The following OGFOD2 variants were observed in gnomAD, a reference collection of about 807,000 sequenced individuals.
OGFOD2 encodes the protein 2-oxoglutarate and iron dependent oxygenase domain containing 2, also known as 2-oxoglutarate and iron-dependent oxygenase domain-containing protein 2.
OGFOD2 carries 34 observed loss-of-function variants against 31.1 expected under a neutral mutation model. The observed-to-expected ratio is 1.09, with a 90% CI of 0.83 to 1.45. OGFOD2 has a LOEUF of 1.45. Ranked by LOEUF, OGFOD2 falls within the 40% of genes most tolerant of loss-of-function variation. OGFOD2 has a pLI of 0.00. For missense variants in OGFOD2, 537 were observed against 433.9 expected, an observed-to-expected ratio of 1.24 and a Z score of -2.11; for synonymous variants, 240 against 192.3, an observed-to-expected ratio of 1.25 and a Z score of -2.05.
chr12:122,975,325 G>A, exon 1 of OGFOD2: 1 of 702,296 alleles, frequency 1.4e-6, no homozygotes, highest in Non-Finnish European at 2.6e-6. Flanking sequence ...TACGTGGCGC[G>A]CTATGGGCTG....
chr12:122,978,744 C>T lies in OGFOD2; in HGVS notation c.532-9C>T, dbSNP rs1157323140. On this transcript the variant is annotated splice_polypyrimidine_tract_variant and intron_variant, in intron 5 of 6. Transcript: ENST00000228922. The stretch of plus-strand genomic sequence containing the variant: ...AGTTTCCTTGCTGACCCCAGGAATC[C>T]CCTCCCAGGTGCTGCTGCACGAGCT... The T allele has an allele frequency of 1.2e-6, 2 of 1,603,856 alleles. No individual in the cohort carries two copies. Among genetic ancestry groups the T allele is most frequent in the Admixed American group, 1.7e-5 (1 of 59,792 alleles).
intron 1 of OGFOD2, 167 bp downstream of exon 1, chr12:122,975,550 G>C: frequency 1.7e-6 from 1 of 594,934 alleles, no homozygotes; most frequent in East Asian, 2.8e-5. Context: ...AGGGGTAATA[G>C]TATCTCCCTG....
intron 4 of OGFOD2, 50 bp downstream of exon 4, chr12:122,977,020 G>A: frequency 6.4e-7 from 1 of 1,557,298 alleles, no homozygotes; most frequent in South Asian, 1.1e-5. Context: ...GGCAGCCTGG[G>A]AAACCTGGGT....
intron 2 of OGFOD2, 196 bp from the exon 3 acceptor site, chr12:122,976,458 A>G: frequency 6.3e-7 from 1 of 1,580,802 alleles, no homozygotes; most frequent in South Asian, 1.1e-5. Flanking sequence ...CTGAAACAGG[A>G]TGGGTCCCCT....
exon 7 of OGFOD2, chr12:122,979,212 C>T: frequency 1.2e-6 from 2 of 1,612,450 alleles, no homozygotes; most frequent in South Asian, 2.2e-5. Context: ...TGTCGTCTGG[C>T]TCCGAGCCTC....
At chr12:122,976,412 G>A (rs2037432969) in intron 2 of OGFOD2, 1 of 1,613,740 alleles carries the variant, frequency 6.2e-7, no homozygotes, top group South Asian at 1.1e-5. Context: ...GTACATCTAG[G>A]GGTTCTCATC....
At chr12:122,976,463 T>A in intron 2 of OGFOD2, 191 bp from the exon 3 acceptor site, 1 of 1,567,734 alleles carries the variant, frequency 6.4e-7, no homozygotes, top group Non-Finnish European at 8.8e-7. Flanking sequence ...ACAGGATGGG[T>A]CCCCTTCTAG....
At chr12:122,979,032 C>A in intron 6 of OGFOD2, 22 bp downstream of exon 6, 1 of 1,608,568 alleles carries the variant, frequency 6.2e-7, no homozygotes, top group Non-Finnish European at 8.5e-7. Flanking sequence ...ACCCATGCGG[C>A]AGGGCCTGGG....
exon 7 of OGFOD2, chr12:122,979,289 C>A: frequency 3.7e-6 from 6 of 1,612,790 alleles, no homozygotes; most frequent in Non-Finnish European, 5.1e-6. Flanking sequence ...ATGAGGGCTT[C>A]GGTGATGGCT....
At chr12:122,975,092 A>T (rs775309616), upstream of OGFOD2, 59 of 494,826 alleles carry the variant, frequency 1.2e-4, no homozygotes, top group Non-Finnish European at 2.1e-4. Context: ...GCCCAGGAGC[A>T]TCTTTCTCCG....
chr12:122,976,343 T>G, intron 2 of OGFOD2: 1 of 1,611,610 alleles, frequency 6.2e-7, no homozygotes, highest in Non-Finnish European at 8.5e-7. Flanking sequence ...CAGCAACCTC[T>G]GGAACACAGG....
At chr12:122,977,008 ATGGCAGCC>A in intron 4 of OGFOD2, 38 bp downstream of exon 4, 1 of 1,587,170 alleles carries the variant, frequency 6.3e-7, no homozygotes, top group Non-Finnish European at 8.6e-7. Flanking sequence ...GGACCAGGGA[ATGGCAGCC>A]TGGGAAACCT....
At chr12:122,976,504 G>A in intron 2 of OGFOD2, 150 bp from the exon 3 acceptor site, 8 of 1,395,482 alleles carry the variant, frequency 5.7e-6, no homozygotes, top group Non-Finnish European at 6.1e-6. Flanking sequence ...TCTGGAACTT[G>A]CAGTTGACCC....
exon 5 of OGFOD2, chr12:122,978,506 G>A: frequency 6.2e-7 from 1 of 1,613,588 alleles, no homozygotes; most frequent in Non-Finnish European, 8.5e-7. Context: ...TGCTGGAAGA[G>A]CTGGAGCACT....
chr12:122,978,703 A>G (rs926322443), intron 5 of OGFOD2, 50 bp from the exon 6 acceptor site: 21 of 1,589,262 alleles, frequency 1.3e-5, no homozygotes, highest in Admixed American at 1.7e-5. Context: ...GTGGAAGCCC[A>G]GGGTTGCAGC....
rs746154446 is a variant in OGFOD2 at position 122,978,751 on chromosome 12, A to T, written c.532-2A>T. 1 of 1,606,816 alleles carries T rather than the reference A, an allele frequency of 6.2e-7. No homozygotes were observed. Among genetic ancestry groups the T allele is most frequent in the East Asian group, 2.2e-5 (1 of 44,732 alleles). On this transcript the variant is annotated splice_acceptor_variant, in intron 5 of 6. Transcript: ENST00000228922. LOFTEE classifies it high-confidence loss of function. ...TTGCTGACCCCAGGAATCCCCTCCC[A>T]GGTGCTGCTGCACGAGCTCGGGCTG...
At chr12:122,976,495 C>T in intron 2 of OGFOD2, 159 bp from the exon 3 acceptor site, 1 of 1,440,278 alleles carries the variant, frequency 6.9e-7, no homozygotes, top group Non-Finnish European at 9.7e-7. Flanking sequence ...AGCTAACAGT[C>T]TGGAACTTGC....
intron 4 of OGFOD2, 117 bp from the exon 5 acceptor site, chr12:122,978,325 C>A (rs766425852): frequency 1.7e-4 from 214 of 1,286,322 alleles, no homozygotes; most frequent in Non-Finnish European, 2.2e-4. Context: ...ATCACAATAG[C>A]CCTGAAAAGC....
intron 2 of OGFOD2, 157 bp from the exon 3 acceptor site, chr12:122,976,497 G>T: frequency 7.0e-7 from 1 of 1,428,052 alleles, no homozygotes. Context: ...CTAACAGTCT[G>T]GAACTTGCAG....
Sources: gnomAD v4.1 joint callset for allele counts on GRCh38, gnomAD v4.1.1 for gene constraint, MANE v1.5 for transcripts, NCBI Gene and HGNC (gene_info 2026-07-23, HGNC 2026-07-21) for gene names.